The following WDFY3 variants were observed in gnomAD, a reference collection of about 807,000 sequenced individuals.
WDFY3 encodes the protein WD repeat and FYVE domain-containing protein 3.
Under a neutral mutation model 409.6 loss-of-function variants are expected in WDFY3, and 66 were observed. The observed-to-expected ratio is 0.16, with a 90% CI of 0.13 to 0.20. The LOEUF is 0.20. WDFY3 is among the 10% of genes least tolerant of loss of function. The pLI, the probability that WDFY3 is intolerant of heterozygous loss-of-function variation, is 1.00. For missense variants in WDFY3, 3,031 were observed against 4,298.1 expected (o/e 0.71, Z 8.24); for synonymous variants, 1,521 against 1,537.1 (o/e 0.99, Z 0.25).
At chr4:84,885,023 T>C (rs1268725970) in intron 3 of WDFY3, among the ~76,000 whole-genome samples, 2 of 152,058 alleles carry the variant, frequency 1.3e-5, no homozygotes, top group African/African-American at 2.4e-5. Flanking sequence ...TTGTCTGAGG[T>C]GAAGTCTCAC....
intron 36 of WDFY3, among the ~76,000 whole-genome samples, chr4:84,746,249 C>G (rs1438945891): frequency 6.6e-6 from 1 of 151,052 alleles, no homozygotes; most frequent in Non-Finnish European, 1.5e-5. Context: ...CTCAGCAGGT[C>G]AAGGATGCAA....
chr4:84,921,850 T>A (rs1769333044), intron 2 of WDFY3, among the ~76,000 whole-genome samples: 1 of 151,344 alleles, frequency 6.6e-6, no homozygotes, highest in Non-Finnish European at 1.5e-5. Flanking sequence ...AGAGACAAGG[T>A]TTCACCATCT....
intron 13 of WDFY3, among the ~76,000 whole-genome samples, chr4:84,815,410 GAACT>G (rs994352889): frequency 1.3e-5 from 2 of 151,988 alleles, no homozygotes; most frequent in Non-Finnish European, 2.9e-5. Context: ...CAAAATCAGA[GAACT>G]AACGTTCAAA....
In WDFY3 at chr4:84,672,952, G is replaced by A. The variant is rs1297423163; in HGVS notation, c.10497C>T (p.Ile3499=). Residue 3499 remains isoleucine, a synonymous_variant, in exon 68 of 68, where the codon ATC becomes ATT. Coordinates refer to ENST00000295888, the MANE Select transcript of WDFY3 (RefSeq NM_014991.6). ...TCTGACAAACACGCACCGGGGATGA[G>A]ATTTTCAAGCGTTTGATTTCAGATT... ...RFQSEIKRLK[I]SSPVRVCQNC... is the part of the protein sequence containing the mutation. The A allele has an allele frequency of 6.3e-7, 1 of 1,578,666 alleles. No homozygotes were observed.
intron 33 of WDFY3, among the ~76,000 whole-genome samples, chr4:84,756,282 G>A (rs1741436777): frequency 6.6e-6 from 1 of 151,840 alleles, no homozygotes; most frequent in Admixed American, 6.6e-5. Flanking sequence ...TTTTAATTCT[G>A]CAGAAATCAA....
At chr4:84,770,792 G>T (rs999483154) in intron 30 of WDFY3, among the ~76,000 whole-genome samples, 1 of 152,118 alleles carries the variant, frequency 6.6e-6, no homozygotes, top group Admixed American at 6.5e-5. Flanking sequence ...AATCTAGACA[G>T]AAATTAAAAA....
In WDFY3 at chr4:84,791,852, C is replaced by T. The variant is rs189333175; in HGVS notation, c.3488-1945G>A. Among the ~76,000 whole-genome samples, 4 of 152,186 alleles carry T rather than the reference C, an allele frequency of 2.6e-5. No individual in the cohort carries two copies. The East Asian group carries it at 7.7e-4, about 29-fold the overall frequency. On this transcript the variant is annotated intron_variant, in intron 21 of 67. Coordinates refer to ENST00000295888, the MANE Select transcript of WDFY3 (RefSeq NM_014991.6). ...ACTCCAATCTGGCTCCTTTTTGCTA[C>T]CCTATATGTTACCAGACCATGCTAA... is the stretch of plus-strand genomic sequence containing the variant.
chr4:84,935,545 T>C (rs1293461368), intron 1 of WDFY3, among the ~76,000 whole-genome samples: 1 of 152,164 alleles, frequency 6.6e-6, no homozygotes, highest in Non-Finnish European at 1.5e-5. Flanking sequence ...ATTTTCCTCC[T>C]GACTTATTTG....
At chr4:84,831,370 T>C (rs2149928402) in intron 8 of WDFY3, 43 bp downstream of exon 8, 1 of 1,314,102 alleles carries the variant, frequency 7.6e-7, no homozygotes, top group South Asian at 2.2e-5. Context: ...TGAAGAAAAG[T>C]GGAAGAAATT....
intron 18 of WDFY3, 32 bp downstream of exon 18, chr4:84,797,959 CATAAA>C: frequency 6.6e-7 from 1 of 1,511,470 alleles, no homozygotes; most frequent in Non-Finnish European, 9.1e-7. Flanking sequence ...GATTTTCATT[CATAAA>C]ATAAATCAAA....
At chr4:84,762,542 A>G (rs992885989) in intron 32 of WDFY3, among the ~76,000 whole-genome samples, 19 of 151,716 alleles carry the variant, frequency 1.3e-4, no homozygotes, top group Non-Finnish European at 2.5e-4. Context: ...GCAGCACACC[A>G]GCATGTCACA....
chr4:84,805,262 A>C (rs1449515995), intron 15 of WDFY3, among the ~76,000 whole-genome samples: 1 of 152,160 alleles, frequency 6.6e-6, no homozygotes, highest in East Asian at 1.9e-4. Context: ...AATTAAAACA[A>C]TTCTGGTCCC....
intron 4 of WDFY3, among the ~76,000 whole-genome samples, chr4:84,850,928 G>GCT (rs1758863108): frequency 2.2e-5 from 1 of 46,220 alleles, no homozygotes; most frequent in African/African-American, 9.3e-5. Context: ...TTATTTATCT[G>GCT]TTTTTTTTTT....
chr4:84,829,246 T>A (rs1755311468), intron 8 of WDFY3, 56 bp from the exon 9 acceptor site: 3 of 1,402,388 alleles, frequency 2.1e-6, no homozygotes, highest in South Asian at 3.2e-5. Flanking sequence ...CGCTTAAAAA[T>A]TTTTTAATTG....
At position 84,766,313 on chromosome 4, in the gene WDFY3, G is replaced by T; in HGVS notation, c.4909C>A (p.Leu1637Ile). The T allele has an allele frequency of 6.2e-7, 1 of 1,601,808 alleles. No homozygotes were observed. Among genetic ancestry groups the T allele is most frequent in the Non-Finnish European group, 8.5e-7 (1 of 1,175,760 alleles). ...ATTAGTTTTAGCAAGATATCCAGAAGTCTGTTCCTCAAAAGTATAAGATTA... is the reference window on the plus strand; with the variant it reads ...ATTAGTTTTAGCAAGATATCCAGAATTCTGTTCCTCAAAAGTATAAGATTA... ...SANLILLRNR[L>I]LDILLKLIYT... is the part of the protein sequence containing the mutation. Residue 1637 changes from leucine to isoleucine, a missense_variant, in exon 31 of 68, where the codon CTT becomes ATT. Physicochemically the swap from Leu to Ile is conservative, Grantham distance 5 (BLOSUM62 2). Coordinates refer to ENST00000295888, the MANE Select transcript of WDFY3 (RefSeq NM_014991.6).
intron 31 of WDFY3, 34 bp from the exon 32 acceptor site, chr4:84,766,061 A>C (rs1743578969): frequency 6.3e-7 from 1 of 1,585,652 alleles, no homozygotes; most frequent in African/African-American, 1.4e-5. Context: ...AAAACAAAAA[A>C]CAAAATTAAT....
chr4:84,761,539 T>C (rs930591819), intron 32 of WDFY3, among the ~76,000 whole-genome samples: 2 of 152,166 alleles, frequency 1.3e-5, no homozygotes, highest in Non-Finnish European at 2.9e-5. Flanking sequence ...CTTGTTGAAT[T>C]GATCCCTTTA....
chr4:84,815,922 G>A (rs1194997014), intron 13 of WDFY3, among the ~76,000 whole-genome samples: 1 of 152,114 alleles, frequency 6.6e-6, no homozygotes, highest in Non-Finnish European at 1.5e-5. Flanking sequence ...AGTATCCAGT[G>A]ATGAATTTTA....
chr4:84,690,218 C>T (rs1729025793), intron 61 of WDFY3, among the ~76,000 whole-genome samples: 1 of 152,120 alleles, frequency 6.6e-6, no homozygotes, highest in Admixed American at 6.5e-5. Context: ...TGCAAAAATT[C>T]AATTTAGACT....
Sources: allele counts gnomAD v4.1 joint callset (sites outside exome capture counted in the v4.1 genomes callset), GRCh38; gene constraint gnomAD v4.1.1; transcripts MANE v1.5; gene names NCBI Gene and HGNC (gene_info 2026-07-23, HGNC 2026-07-21).